MYO5B: variants seen among roughly 807,000 people sequenced by gnomAD.
The protein encoded by MYO5B is unconventional myosin-Vb.
In MYO5B, 143 loss-of-function variants were observed where a neutral mutation model predicts 229.3. The ratio of observed to expected loss-of-function variants is 0.62; its 90% CI spans 0.54 to 0.72. MYO5B has a LOEUF of 0.72. MYO5B is among the 30% of genes least tolerant of loss of function. MYO5B has a pLI of 0.00. For missense variants in MYO5B, 2,321 were observed against 2,331.0 expected (o/e 1.00, Z 0.09); for synonymous variants, 918 against 885.2 (o/e 1.04, Z -0.66).
At chr18:50,133,597 T>C (rs545562152) in intron 1 of MYO5B, among the ~76,000 whole-genome samples, 7 of 152,260 alleles carry the variant, frequency 4.6e-5, no homozygotes, top group East Asian at 1.9e-4. Context: ...TCCGTCCGTC[T>C]GTCTGTCTGT....
intron 10 of MYO5B, among the ~76,000 whole-genome samples, chr18:49,970,394 G>A (rs1393496288): frequency 6.6e-6 from 1 of 152,148 alleles, no homozygotes; most frequent in African/African-American, 2.4e-5. Flanking sequence ...ATTCAGAAAA[G>A]CCTTGGGGAA....
At chr18:49,904,929 G>GTCCAGGTAGGGCCACA in intron 19 of MYO5B, 101 bp from the exon 20 acceptor site, 1 of 1,412,312 alleles carries the variant, frequency 7.1e-7, no homozygotes, top group Non-Finnish European at 9.7e-7. Context: ...CTCCCTCTGT[G>GTCCAGGTAGGGCCACA]GCCCTACCTG....
rs147885952 is a variant in MYO5B, at chr18:50,028,314, A to G, written c.455+8536T>C. 1.2e-3 allele frequency among the ~76,000 whole-genome samples: 181 copies of G among 152,360 alleles called. 2 individuals are homozygous for G. Among genetic ancestry groups the G allele is most frequent in the African/African-American group, 4.2e-3 (175 of 41,588 alleles). On this transcript the variant is annotated intron_variant, in intron 4 of 39. Coordinates refer to ENST00000285039, the MANE Select transcript of MYO5B (RefSeq NM_001080467.3). ...AAGTAAACAACATGAAACACCTGCC[A>G]AAAATAAATGCATTTTCAGGCTCCA...
intron 2 of MYO5B, among the ~76,000 whole-genome samples, chr18:50,049,866 G>A (rs933132189): frequency 1.2e-4 from 19 of 152,068 alleles, no homozygotes; most frequent in Admixed American, 3.3e-4. Flanking sequence ...AGCTTCAAGG[G>A]TACTCAGCTG....
chr18:49,897,364 C>T (rs747571651), intron 21 of MYO5B, among the ~76,000 whole-genome samples: 5 of 152,090 alleles, frequency 3.3e-5, no homozygotes, highest in East Asian at 1.9e-4. Context: ...GTGATACTGA[C>T]GATCCTGACC....
intron 1 of MYO5B, among the ~76,000 whole-genome samples, chr18:50,074,413 T>C (rs2031030555): frequency 6.6e-6 from 1 of 152,180 alleles, no homozygotes; most frequent in Non-Finnish European, 1.5e-5. Context: ...AAAGGGCCCA[T>C]CGGATGTCAC....
rs1330176241 is a variant in MYO5B, at chr18:49,933,898, GAT to G, written c.2003+2352_2003+2353del. On this transcript the variant is annotated intron_variant, in intron 16 of 39. Transcript: ENST00000285039. ...GATACTTATTTTTATTTTTTTGAGA[GAT>G]AGTCTTCCTCTGTCATCCAGGCTGG... 5.3e-5 allele frequency among the ~76,000 whole-genome samples: 8 copies of G among 151,990 alleles called. No homozygotes were observed. The South Asian group carries it at 1.7e-3, about 32-fold the overall frequency.
chr18:50,002,210 A>T (rs1438323325), intron 4 of MYO5B, among the ~76,000 whole-genome samples: 2 of 151,772 alleles, frequency 1.3e-5, no homozygotes, highest in African/African-American at 2.4e-5. Flanking sequence ...AGTTTTGAAC[A>T]TTTTTTTTCA....
chr18:49,987,509 C>T (rs755089511), intron 7 of MYO5B, among the ~76,000 whole-genome samples: 3 of 152,070 alleles, frequency 2.0e-5, no homozygotes, highest in South Asian at 2.1e-4. Context: ...ACAAAGAATT[C>T]CCAAGGAGAA....
At chr18:50,041,926 A>AC (rs1313938267) in intron 2 of MYO5B, among the ~76,000 whole-genome samples, 2 of 152,212 alleles carry the variant, frequency 1.3e-5, no homozygotes, top group East Asian at 3.8e-4. Context: ...TAAAAAGAAA[A>AC]CCAACACCCC....
intron 1 of MYO5B, among the ~76,000 whole-genome samples, chr18:50,103,724 G>T (rs1210586124): frequency 6.6e-6 from 1 of 152,042 alleles, no homozygotes; most frequent in Non-Finnish European, 1.5e-5. Context: ...CCATGCAACA[G>T]AGCAAGACCT....
chr18:49,905,336 A>C (rs1228958212), intron 19 of MYO5B, among the ~76,000 whole-genome samples: 3 of 151,954 alleles, frequency 2.0e-5, no homozygotes, highest in African/African-American at 7.3e-5. Context: ...TTATCTCCTC[A>C]ACCCTTTCTG....
At chr18:49,911,179 T>C (rs2024953506) in intron 18 of MYO5B, among the ~76,000 whole-genome samples, 1 of 152,208 alleles carries the variant, frequency 6.6e-6, no homozygotes, top group Non-Finnish European at 1.5e-5. Context: ...TCAGAGCCCT[T>C]ACCCAGGTGT....
At chr18:49,832,332 T>C (rs1413327064) in intron 39 of MYO5B, among the ~76,000 whole-genome samples, 2 of 152,220 alleles carry the variant, frequency 1.3e-5, no homozygotes, top group Non-Finnish European at 2.9e-5. Context: ...TTTGCTGTTA[T>C]CAGTTTTATA....
At chr18:50,015,601 T>C (rs1229883488) in intron 4 of MYO5B, among the ~76,000 whole-genome samples, 2 of 152,258 alleles carry the variant, frequency 1.3e-5, no homozygotes, top group African/African-American at 2.4e-5. Flanking sequence ...TTAAATATTC[T>C]GTTGGCGCAG....
At chr18:50,101,335 T>G (rs918400635) in intron 1 of MYO5B, among the ~76,000 whole-genome samples, 1 of 152,220 alleles carries the variant, frequency 6.6e-6, no homozygotes, top group African/African-American at 2.4e-5. Context: ...GGGTACTTAG[T>G]GAGGCACCAG....
rs754441353 is a variant in MYO5B at position 49,962,373 on chromosome 18, T to A, written c.1438A>T (p.Lys480Ter). 1 of 1,614,160 alleles carries A rather than the reference T, an allele frequency of 6.2e-7. No homozygotes were observed. Among genetic ancestry groups the A allele is most frequent in the Admixed American group, 1.7e-5 (1 of 60,022 alleles). Residue 480 changes from lysine (K) to a stop codon, truncating the protein, a stop_gained, in exon 12 of 40, where the codon AAG becomes TAG. Transcript: ENST00000285039. LOFTEE classifies it high-confidence loss of function. ...VFKLEQEEYM[K>*]EQIPWTLIDF... Reference sequence around the variant, plus strand: ...ATCAGGGTCCAAGGGATCTGTTCCTTCATGTATTCTTCTTGCTCCAGTTTG... The same window carrying A: ...ATCAGGGTCCAAGGGATCTGTTCCTACATGTATTCTTCTTGCTCCAGTTTG...
intron 31 of MYO5B, 55 bp downstream of exon 31, chr18:49,853,394 T>C (rs913318326): frequency 3.1e-6 from 5 of 1,595,822 alleles, no homozygotes; most frequent in African/African-American, 1.3e-5. Context: ...CCGATCCCAT[T>C]TGCTTCTAGA....
At position 49,938,481 on chromosome 18, in the gene MYO5B, C is replaced by A. The variant is rs2025275556; in HGVS notation, c.1753-1084G>T. 2.0e-5 allele frequency among the ~76,000 whole-genome samples: 3 copies of A among 152,184 alleles called. No homozygotes were observed. In the Middle Eastern group the frequency reaches 0.01, roughly 518 times the overall value. ...AGGGAGGGAAAAGGAACATACAGGCCCCATTCACTAACCTTGAGCAATTCC... is the reference window on the plus strand; with the variant it reads ...AGGGAGGGAAAAGGAACATACAGGCACCATTCACTAACCTTGAGCAATTCC... On this transcript the variant is annotated intron_variant, in intron 14 of 39. Transcript: ENST00000285039.
Sources: allele counts gnomAD v4.1 joint callset (sites outside exome capture counted in the v4.1 genomes callset), GRCh38; gene constraint gnomAD v4.1.1; transcripts MANE v1.5; gene names NCBI Gene and HGNC (gene_info 2026-07-23, HGNC 2026-07-21).